Variants in ARID1B observed in about 807,000 individuals in gnomAD.
ARID1B encodes AT-rich interaction domain 1B.
A neutral mutation model predicts 212.3 loss-of-function variants in ARID1B; 30 were observed. The ratio of observed to expected loss-of-function variants is 0.14; its 90% CI spans 0.11 to 0.19. The LOEUF is 0.19. Among genes scored for constraint, ARID1B ranks in the 10% least tolerant of loss-of-function variants. The pLI, the probability that ARID1B is intolerant of heterozygous loss-of-function variation, is 1.00. For missense variants in ARID1B, 2,891 were observed against 3,204.0 expected (o/e 0.90, Z 2.36); for synonymous variants, 1,402 against 1,301.7 (o/e 1.08, Z -1.66).
At chr6:156,829,543 T>TTTATTGTTTCTTTAATC in intron 2 of ARID1B, 122 bp downstream of exon 2, 1 of 1,129,164 alleles carries the variant, frequency 8.9e-7, no homozygotes, top group Non-Finnish European at 1.2e-6. Context: ...CTGCTTTAAT[T>TTTATTGTTTCTTTAATC]TTTATTGTTT....
rs1794675034 is a variant in ARID1B, at chr6:157,209,632, C to T, written c.*1741C>T. On this transcript the variant is annotated 3_prime_UTR_variant, in exon 20 of 20. Coordinates refer to ENST00000636930, the MANE Select transcript of ARID1B (RefSeq NM_001374828.1). ...TAGTTTAATCAAAGTTCAATCTATT[C>T]CTTGTTTCTTCTGTGTGCCTCAGAG... 4.3e-6 allele frequency: 1 copy of T among 233,026 alleles called. No homozygotes were observed. Among genetic ancestry groups the T allele is most frequent in the Non-Finnish European group, 8.5e-6 (1 of 118,008 alleles). 14.4% of individuals were successfully genotyped at this position (233,026 alleles called of 1,614,324 possible). A position where few individuals can be genotyped will look rare whatever the true frequency, so the allele number is the denominator to read the frequency against.
At chr6:156,812,353 A>G (rs1326152846) in intron 1 of ARID1B, among the ~76,000 whole-genome samples, 1 of 151,936 alleles carries the variant, frequency 6.6e-6, no homozygotes. Flanking sequence ...TTTTTTAATT[A>G]TTATCTACCT....
chr6:157,084,032 G>A (rs1784796951), intron 4 of ARID1B, among the ~76,000 whole-genome samples: 1 of 151,846 alleles, frequency 6.6e-6, no homozygotes, highest in Admixed American at 6.6e-5. Context: ...TACTAGGGAG[G>A]CTGAGGCAGG....
intron 4 of ARID1B, among the ~76,000 whole-genome samples, chr6:157,010,256 T>A (rs1031004019): frequency 6.6e-6 from 1 of 151,450 alleles, no homozygotes; most frequent in Non-Finnish European, 1.5e-5. Flanking sequence ...TGTCTAATTT[T>A]GTTAACATTT....
At chr6:156,928,772 C>T (rs928643800) in intron 3 of ARID1B, among the ~76,000 whole-genome samples, 3 of 152,184 alleles carry the variant, frequency 2.0e-5, no homozygotes. Flanking sequence ...AGGAGTGTGG[C>T]TTTGCCTTCA....
chr6:156,890,187 G>A (rs1355521440), intron 2 of ARID1B, among the ~76,000 whole-genome samples: 1 of 152,122 alleles, frequency 6.6e-6, no homozygotes, highest in Non-Finnish European at 1.5e-5. Context: ...TATTCACTCC[G>A]CAGAACATTG....
In ARID1B at chr6:156,951,253, T is replaced by C. The variant is rs569187748; in HGVS notation, c.2247+15677T>C. Among the ~76,000 whole-genome samples the C allele has an allele frequency of 5.3e-5, 8 of 152,268 alleles. No homozygotes were observed. In the East Asian group the frequency reaches 1.4e-3, roughly 26 times the overall value. On this transcript the variant is annotated intron_variant, in intron 4 of 19. Coordinates refer to ENST00000636930, the MANE Select transcript of ARID1B (RefSeq NM_001374828.1). ...GCTGACTTACAGTAAAACGTTTGTA[T>C]AAACAAAGACTGCTCCAAGCGGATT...
intron 7 of ARID1B, among the ~76,000 whole-genome samples, chr6:157,136,497 TAG>T (rs1324893826): frequency 6.6e-6 from 1 of 152,066 alleles, no homozygotes; most frequent in Non-Finnish European, 1.5e-5. Flanking sequence ...AGTAAGCCAC[TAG>T]GGATATAAAA....
rs78587190 is a variant in ARID1B at position 157,004,467 on chromosome 6, T to C, written c.2247+68891T>C. Among the ~76,000 whole-genome samples the C allele has an allele frequency of 5.5e-3, 845 of 152,322 alleles. 14 individuals are homozygous for C. Among genetic ancestry groups the C allele is most frequent in the African/African-American group, 0.02 (816 of 41,564 alleles). On this transcript the variant is annotated intron_variant, in intron 4 of 19. Coordinates refer to ENST00000636930, the MANE Select transcript of ARID1B (RefSeq NM_001374828.1). Reference sequence around the variant, plus strand: ...TAAAATACCATAATTTTGCTTGATTTTCCGAAGTGTAATTTCTTGAGAAAA... The same window carrying C: ...TAAAATACCATAATTTTGCTTGATTCTCCGAAGTGTAATTTCTTGAGAAAA...
intron 2 of ARID1B, among the ~76,000 whole-genome samples, chr6:156,860,501 T>C (rs1785253854): frequency 6.6e-6 from 1 of 152,180 alleles, no homozygotes; most frequent in Non-Finnish European, 1.5e-5. Flanking sequence ...ATTTATGCCA[T>C]TGAAAAGGTA....
At chr6:157,034,183 G>A (rs1280281335) in intron 4 of ARID1B, among the ~76,000 whole-genome samples, 1 of 152,002 alleles carries the variant, frequency 6.6e-6, no homozygotes, top group Non-Finnish European at 1.5e-5. Context: ...CTGTATAATG[G>A]ATACTTAAAT....
chr6:157,140,501 TC>T (rs1168293647), intron 7 of ARID1B: 1 of 397,094 alleles, frequency 2.5e-6, no homozygotes, highest in East Asian at 3.6e-5. Flanking sequence ...TTTTGCCTAT[TC>T]CTTGGCTGAT....
intron 2 of ARID1B, among the ~76,000 whole-genome samples, chr6:156,837,115 T>G (rs1783567630): frequency 6.6e-6 from 1 of 152,258 alleles, no homozygotes; most frequent in South Asian, 2.1e-4. Flanking sequence ...AGCAAATTGT[T>G]GGTATCAGTC....
intron 5 of ARID1B, among the ~76,000 whole-genome samples, chr6:157,089,245 A>G (rs1378538660): frequency 6.6e-6 from 1 of 151,118 alleles, no homozygotes. Flanking sequence ...AATGTAATTG[A>G]CAGCTAATGA....
intron 7 of ARID1B, among the ~76,000 whole-genome samples, chr6:157,142,839 C>T (rs775818566): frequency 3.2e-4 from 48 of 152,106 alleles, no homozygotes; most frequent in Non-Finnish European, 6.3e-4. Context: ...CCATTTTCTC[C>T]TCCATCATAT....
At chr6:157,163,433 G>A (rs1042391921) in intron 8 of ARID1B, among the ~76,000 whole-genome samples, 3 of 152,200 alleles carry the variant, frequency 2.0e-5, no homozygotes, top group African/African-American at 4.8e-5. Context: ...CGTGCAGTGC[G>A]AGCCTTCTTT....
intron 6 of ARID1B, among the ~76,000 whole-genome samples, chr6:157,113,541 G>A (rs1787091833): frequency 6.6e-6 from 1 of 152,150 alleles, no homozygotes; most frequent in African/African-American, 2.4e-5. Context: ...AGAGCGAAAG[G>A]GGAGGTGCTA....
intron 5 of ARID1B, among the ~76,000 whole-genome samples, chr6:157,085,358 C>G (rs1412309306): frequency 6.6e-6 from 1 of 152,164 alleles, no homozygotes; most frequent in African/African-American, 2.4e-5. Flanking sequence ...TGATCACATG[C>G]AGGCACTGGT....
At chr6:156,942,867 G>A (rs975000128) in intron 4 of ARID1B, 2 of 152,240 alleles carry the variant, frequency 1.3e-5, no homozygotes, top group Non-Finnish European at 2.9e-5. Flanking sequence ...GTGGGAAATA[G>A]CTTTTAATTT....
Sources: allele counts gnomAD v4.1 joint callset (sites outside exome capture counted in the v4.1 genomes callset), GRCh38; gene constraint gnomAD v4.1.1; transcripts MANE v1.5; gene names NCBI Gene and HGNC (gene_info 2026-07-23, HGNC 2026-07-21).